THADA: variants seen among roughly 807,000 people sequenced by gnomAD.
THADA encodes the protein tRNA (32-2'-O)-methyltransferase regulator THADA.
In THADA, 213 loss-of-function variants were observed where a neutral mutation model predicts 219.8. That is an observed-to-expected ratio of 0.97 (90% CI 0.87 to 1.09). The LOEUF (loss-of-function observed/expected upper bound fraction) is 1.09, where lower values mean the gene tolerates loss of function less well. THADA is among the 50% of genes least tolerant of loss of function. The probability of loss-of-function intolerance (pLI) is 0.00; values close to 1 mark genes in which losing one functional copy is unlikely to be tolerated. For missense variants in THADA, 2,956 were observed against 2,311.3 expected (o/e 1.28, Z -5.72); for synonymous variants, 1,018 against 828.9 (o/e 1.23, Z -3.92).
In THADA at chr2:43,292,123, C is replaced by G. The variant is rs1674803815; in HGVS notation, c.4918G>C (p.Asp1640His). The G allele has an allele frequency of 6.2e-7, 1 of 1,607,932 alleles. No individual in the cohort carries two copies. The highest frequency in any genetic ancestry group is 8.5e-7 in the Non-Finnish European group (1 of 1,177,382). ...TPKEFLIWTMDIASNERSEIQ... is the reference protein window; with the variant it reads ...TPKEFLIWTMHIASNERSEIQ... ...GCAAACCTTTCATTGGAAGCAATAT[C>G]CATCGTCCAGATCAAGAACTCCTTT... The change falls in exon 33 of 38, where the codon GAT becomes CAT. Residue 1640 changes from aspartate (D) to histidine (H), a missense_variant. Coordinates refer to ENST00000405975, the MANE Select transcript of THADA (RefSeq NM_022065.5).
At chr2:43,275,588 C>T (rs778657798) in intron 36 of THADA, among the ~76,000 whole-genome samples, 4 of 152,100 alleles carry the variant, frequency 2.6e-5, no homozygotes, top group Non-Finnish European at 5.9e-5. Context: ...TGGAGTCCTT[C>T]GGTCTAACTC....
At chr2:43,335,341 T>C (rs993539398) in intron 30 of THADA, among the ~76,000 whole-genome samples, 3 of 152,098 alleles carry the variant, frequency 2.0e-5, no homozygotes, top group Non-Finnish European at 4.4e-5. Flanking sequence ...CAACAAATGA[T>C]AGTAGTTGTC....
rs59127657 is a variant in THADA, at chr2:43,437,712, C to G, written c.3837-7410G>C. Among the ~76,000 whole-genome samples the G allele has an allele frequency of 6.8e-3, 1,037 of 152,236 alleles. 15 individuals are homozygous for G. Among genetic ancestry groups the G allele is most frequent in the African/African-American group, 0.024 (988 of 41,550 alleles). On this transcript the variant is annotated intron_variant, in intron 26 of 37. Transcript: ENST00000405975. Reference sequence around the variant, plus strand: ...AGTGAAGCACTGACTGCCTTTTGTTCTGGACTTTCCGGACTCTATTCAAGG... The same window carrying G: ...AGTGAAGCACTGACTGCCTTTTGTTGTGGACTTTCCGGACTCTATTCAAGG...
intron 22 of THADA, among the ~76,000 whole-genome samples, chr2:43,512,798 G>A (rs923854984): frequency 6.6e-6 from 1 of 152,162 alleles, no homozygotes; most frequent in Non-Finnish European, 1.5e-5. Context: ...CACCGCACCC[G>A]GCCACAAGTT....
At chr2:43,388,747 A>G (rs1045205294) in intron 29 of THADA, among the ~76,000 whole-genome samples, 9 of 152,234 alleles carry the variant, frequency 5.9e-5, no homozygotes, top group African/African-American at 1.9e-4. Context: ...GTGAAATATG[A>G]TAACACATAA....
intron 21 of THADA, among the ~76,000 whole-genome samples, chr2:43,534,623 A>G (rs1459857154): frequency 6.6e-6 from 1 of 152,118 alleles, no homozygotes; most frequent in Non-Finnish European, 1.5e-5. Flanking sequence ...AGTTCCATCC[A>G]TGTAGCTGCG....
chr2:43,281,189 A>C (rs771747859), intron 35 of THADA, among the ~76,000 whole-genome samples: 3 of 152,168 alleles, frequency 2.0e-5, no homozygotes, highest in Non-Finnish European at 4.4e-5. Context: ...AGTCATACCA[A>C]TAATAACAGT....
chr2:43,372,292 A>C (rs577365773), intron 29 of THADA: 1 of 152,346 alleles, frequency 6.6e-6, no homozygotes, highest in South Asian at 2.1e-4. Context: ...ACTAAAACAC[A>C]CAAGTACTGT....
intron 20 of THADA, among the ~76,000 whole-genome samples, chr2:43,544,638 T>G (rs1197557461): frequency 1.3e-5 from 2 of 151,170 alleles, no homozygotes; most frequent in African/African-American, 4.9e-5. Flanking sequence ...TTTGAAGCAA[T>G]TGTGAATGGG....
chr2:43,591,951 C>T lies in THADA; in HGVS notation c.171+1G>A, dbSNP rs776541983. The T allele has an allele frequency of 1.3e-6, 2 of 1,516,700 alleles. No homozygotes were observed. The highest frequency in any genetic ancestry group is 1.3e-5 in the South Asian group (1 of 76,900). The allele number at this position is 1,516,700 out of a possible 1,614,324, so 94.0% of individuals were successfully genotyped here. On this transcript the variant is annotated splice_donor_variant, in intron 3 of 37. Transcript: ENST00000405975. LOFTEE classifies it high-confidence loss of function. ...ATCCATGAATATCAATTCAGACTTA[C>T]CTGTTTAATATAATGGATTTGTGAC...
At chr2:43,399,465 G>T (rs1450031440) in intron 28 of THADA, among the ~76,000 whole-genome samples, 1 of 152,210 alleles carries the variant, frequency 6.6e-6, no homozygotes, top group African/African-American at 2.4e-5. Flanking sequence ...TATGCCAACA[G>T]AAATACAGAT....
rs761258931 is a variant in THADA, at chr2:43,292,964, G to T, written c.4688C>A (p.Ala1563Asp). The T allele has an allele frequency of 2.5e-5, 40 of 1,613,882 alleles. No individual in the cohort carries two copies. Among genetic ancestry groups the T allele is most frequent in the Non-Finnish European group, 3.0e-5 (35 of 1,179,900 alleles). ...TGCTGCTAAGAACTTTTCCAAGAGG[G>T]CTTCCAGTGTTAGTGAGCGCACTTC... ...FPEVRSLTLEALLEKFLAAAS... is the reference protein window; with the variant it reads ...FPEVRSLTLEDLLEKFLAAAS... The change falls in exon 32 of 38, where the codon GCC (alanine) becomes GAC (aspartate). Residue 1563 changes from alanine to aspartate, a missense_variant. Ala to Asp is a moderately radical substitution (Grantham distance 126, BLOSUM62 -2). Transcript: ENST00000405975.
intron 30 of THADA, among the ~76,000 whole-genome samples, chr2:43,334,641 G>A (rs7563201): frequency 0.45 from 67,753 of 151,312 alleles, 15,585 homozygotes; most frequent in Middle Eastern, 0.61. Context: ...CAGGCGTGGT[G>A]GCGGGCGCCT....
intron 4 of THADA, among the ~76,000 whole-genome samples, chr2:43,590,202 G>A (rs1248292091): frequency 6.6e-6 from 1 of 152,058 alleles, no homozygotes; most frequent in East Asian, 1.9e-4. Flanking sequence ...CTATATTCCT[G>A]TGTTATCTGT....
At chr2:43,293,738 G>A (rs1675026498) in intron 31 of THADA, among the ~76,000 whole-genome samples, 1 of 152,132 alleles carries the variant, frequency 6.6e-6, no homozygotes, top group Non-Finnish European at 1.5e-5. Context: ...CCCAATGACA[G>A]CTCTTTAGAC....
intron 29 of THADA, among the ~76,000 whole-genome samples, chr2:43,386,755 G>C (rs1179856767): frequency 1.3e-5 from 2 of 151,914 alleles, no homozygotes; most frequent in Non-Finnish European, 2.9e-5. Flanking sequence ...AATTAGCCAG[G>C]TGCCAGTGGC....
At chr2:43,411,461 A>G (rs1213707911) in intron 28 of THADA, among the ~76,000 whole-genome samples, 1 of 152,196 alleles carries the variant, frequency 6.6e-6, no homozygotes, top group Non-Finnish European at 1.5e-5. Flanking sequence ...ATGATTTCGT[A>G]GTGGTTATTA....
intron 26 of THADA, among the ~76,000 whole-genome samples, chr2:43,465,924 T>G (rs1684173504): frequency 6.6e-6 from 1 of 152,212 alleles, no homozygotes; most frequent in African/African-American, 2.4e-5. Flanking sequence ...CTGCTGTAAA[T>G]GGCACCATGA....
chr2:43,307,099 T>A (rs1676950557), intron 31 of THADA, among the ~76,000 whole-genome samples: 1 of 152,194 alleles, frequency 6.6e-6, no homozygotes, highest in Admixed American at 6.5e-5. Context: ...ATTAGAAAAC[T>A]GAACAAAATG....
Sources: gnomAD v4.1 joint callset for allele counts (sites outside exome capture counted in the v4.1 genomes callset) on GRCh38, gnomAD v4.1.1 for gene constraint, MANE v1.5 for transcripts, NCBI Gene and HGNC (gene_info 2026-07-23, HGNC 2026-07-21) for gene names.